ETV4: variants seen among roughly 807,000 people sequenced by gnomAD.
The protein encoded by ETV4 is ETS variant transcription factor 4.
A neutral mutation model predicts 65.9 loss-of-function variants in ETV4; 42 were observed. The ratio of observed to expected loss-of-function variants is 0.64; its 90% CI spans 0.50 to 0.82. The LOEUF (loss-of-function observed/expected upper bound fraction) is 0.82, where lower values mean the gene tolerates loss of function less well. Among genes scored for constraint, ETV4 ranks in the 40% least tolerant of loss-of-function variants. The probability of loss-of-function intolerance (pLI) is 0.00; values close to 1 mark genes in which losing one functional copy is unlikely to be tolerated. For synonymous variants in ETV4, 238 were observed against 260.0 expected (o/e 0.92, Z 0.81); for missense variants, 583 against 630.3 (o/e 0.92, Z 0.80).
chr17:43,530,307 GCCCA>G (rs1047067746), intron 8 of ETV4, 126 bp from the exon 9 acceptor site: 1 of 1,489,784 alleles, frequency 6.7e-7, no homozygotes, highest in African/African-American at 1.4e-5. Flanking sequence ...ACTGTTCTTT[GCCCA>G]GGTTGCCTGC....
chr17:43,533,086 C>T (rs1971035199), intron 7 of ETV4, 101 bp downstream of exon 7: 2 of 1,520,452 alleles, frequency 1.3e-6, no homozygotes, highest in Non-Finnish European at 1.8e-6. Flanking sequence ...ATTCCACTGC[C>T]CCCTGCCTCT....
Position 43,529,869 on chromosome 17 carries a change from A to C in ETV4, c.955+15T>G, listed in dbSNP as rs1276763169. The C allele has an allele frequency of 6.2e-7, 1 of 1,613,980 alleles. No homozygotes were observed. Among genetic ancestry groups the C allele is most frequent in the African/African-American group, 1.3e-5 (1 of 75,010 alleles). On this transcript the variant is annotated intron_variant, in intron 10 of 12. Transcript: ENST00000319349. ...ATAAGACCTTGACCCTCCCATCAAC[A>C]GTCACTTCTCTGACCTTCAAATTTC...
chr17:43,542,670 A>C (rs1387042209), intron 4 of ETV4, among the ~76,000 whole-genome samples: 4 of 151,844 alleles, frequency 2.6e-5, no homozygotes, highest in East Asian at 3.9e-4. Context: ...CCGCACTCAC[A>C]CTCACCCTTC....
Position 43,533,169 on chromosome 17 carries a change from G to T in ETV4, c.545+18C>A. 1 of 1,612,886 alleles carries T rather than the reference G, an allele frequency of 6.2e-7. No homozygotes were observed. The highest frequency in any genetic ancestry group is 8.5e-7 in the Non-Finnish European group (1 of 1,179,230). ...AAACACCTGGGCCCATGAGCAGTGG[G>T]TTTCCCTGTCTCCTTACCTATGTTC... On this transcript the variant is annotated intron_variant, in intron 7 of 12. Coordinates refer to ENST00000319349, the MANE Select transcript of ETV4 (RefSeq NM_001079675.5).
At position 43,533,934 on chromosome 17, in the gene ETV4, CGGGGA is replaced by C; in HGVS notation, c.303_307del (p.Ser101ArgfsTer29). The C allele has an allele frequency of 6.4e-7, 1 of 1,561,536 alleles. No individual in the cohort carries two copies. Among genetic ancestry groups the C allele is most frequent in the East Asian group, 2.4e-5 (1 of 41,708 alleles). ...GCTGCAGGACAGGGCCGGGTCTGTG[CGGGGA>C]CTCTGGGGCTCCTTCTTGATCCTGG... On this transcript the variant is annotated frameshift_variant, in exon 6 of 13. Coordinates refer to ENST00000319349, the MANE Select transcript of ETV4 (RefSeq NM_001079675.5). LOFTEE classifies it high-confidence loss of function.
At chr17:43,541,760 C>A (rs971542746) in intron 4 of ETV4, among the ~76,000 whole-genome samples, 1 of 152,134 alleles carries the variant, frequency 6.6e-6, no homozygotes, top group Non-Finnish European at 1.5e-5. Flanking sequence ...CCTGCCCCCA[C>A]CCTGGCAGCC....
At chr17:43,541,137 T>G (rs1033558232) in intron 4 of ETV4, among the ~76,000 whole-genome samples, 2 of 152,120 alleles carry the variant, frequency 1.3e-5, no homozygotes, top group Non-Finnish European at 2.9e-5. Context: ...TGCCATCCTC[T>G]TCCCAGAGCC....
At chr17:43,536,066 G>A (rs1235106264) in intron 5 of ETV4, among the ~76,000 whole-genome samples, 1 of 152,216 alleles carries the variant, frequency 6.6e-6, no homozygotes, top group East Asian at 1.9e-4. Context: ...AGCCGAGATT[G>A]TGCCACTGCA....
At chr17:43,545,880 TCG>T (rs1971797832) in intron 1 of ETV4, 1 of 580,872 alleles carries the variant, frequency 1.7e-6, no homozygotes. Flanking sequence ...GGAGCCGGGC[TCG>T]CCGTTTCTGC....
At position 43,530,420 on chromosome 17, in the gene ETV4, CG is replaced by C. The variant is rs1970852963; in HGVS notation, c.812-240del. The stretch of plus-strand genomic sequence containing the variant: ...CGGCTGAGGCCATGGAAGGCAGCAG[CG>C]GGGGCTGGGCAAGCTGTTCTGAAGG... On this transcript the variant is annotated intron_variant, in intron 8 of 12. Transcript: ENST00000319349. 3.6e-6 allele frequency: 5 copies of C among 1,404,038 alleles called. No homozygotes were observed. The East Asian group carries it at 1.1e-4, about 30-fold the overall frequency. The allele number at this position is 1,404,038 out of a possible 1,614,324, so 87.0% of individuals were successfully genotyped here.
At chr17:43,529,066 C>T (rs1970741194) in intron 12 of ETV4, 69 bp downstream of exon 12, 3 of 1,437,594 alleles carry the variant, frequency 2.1e-6, no homozygotes, top group Non-Finnish European at 2.9e-6. Flanking sequence ...GCCCTGCTGA[C>T]CCTCTCCCCA....
intron 4 of ETV4, among the ~76,000 whole-genome samples, chr17:43,540,320 G>A (rs917658951): frequency 1.3e-5 from 2 of 152,186 alleles, no homozygotes; most frequent in African/African-American, 4.8e-5. Context: ...AGGCATGGTG[G>A]TTCTCGCCTG....
Position 43,528,753 on chromosome 17 carries a change from G to T in ETV4, c.1231-10C>A. The T allele has an allele frequency of 6.2e-7, 1 of 1,612,282 alleles. No homozygotes were observed. The highest frequency in any genetic ancestry group is 1.1e-5 in the South Asian group (1 of 90,990). Reference sequence around the variant, plus strand: ...AACGCTCACCAGCCACCTATGGGGAGAGAGAAGGTCTGGTCAGCCTGGCTA... The same window carrying T: ...AACGCTCACCAGCCACCTATGGGGATAGAGAAGGTCTGGTCAGCCTGGCTA... On this transcript the variant is annotated splice_polypyrimidine_tract_variant and intron_variant, in intron 12 of 12. Transcript: ENST00000319349.
intron 4 of ETV4, among the ~76,000 whole-genome samples, chr17:43,541,536 G>A (rs566436837): frequency 1.3e-5 from 2 of 152,036 alleles, no homozygotes; most frequent in African/African-American, 4.8e-5. Context: ...AAAAAGGGGG[G>A]TTAGTAAAAA....
intron 9 of ETV4, 66 bp from the exon 10 acceptor site, chr17:43,530,018 A>G (rs1970819082): frequency 6.2e-7 from 1 of 1,607,638 alleles, no homozygotes; most frequent in Non-Finnish European, 8.5e-7. Flanking sequence ...GAGAGTCCAG[A>G]GGGACTCCTG....
intron 4 of ETV4, among the ~76,000 whole-genome samples, chr17:43,537,820 CTG>C (rs1971323237): frequency 6.6e-6 from 1 of 151,414 alleles, no homozygotes; most frequent in South Asian, 2.1e-4. Context: ...TGGTGAAATC[CTG>C]TCTCTACTAA....
At chr17:43,545,774 A>G in intron 1 of ETV4, 106 bp from the exon 2 acceptor site, 1 of 643,736 alleles carries the variant, frequency 1.6e-6, no homozygotes, top group Non-Finnish European at 2.7e-6. Context: ...AACTTCTCCG[A>G]CTCACTGGGG....
At chr17:43,537,353 G>C (rs1463296201) in intron 4 of ETV4, among the ~76,000 whole-genome samples, 1 of 149,674 alleles carries the variant, frequency 6.7e-6, no homozygotes, top group African/African-American at 2.5e-5. Flanking sequence ...CAACAAGAGT[G>C]AAACTCCATC....
chr17:43,536,330 G>A (rs1034640735), intron 5 of ETV4, 96 bp downstream of exon 5: 1 of 1,099,264 alleles, frequency 9.1e-7, no homozygotes, highest in Non-Finnish European at 1.4e-6. Context: ...TGTGTTTTAG[G>A]AGAGAACAAG....
Sources: allele counts gnomAD v4.1 joint callset (sites outside exome capture counted in the v4.1 genomes callset), GRCh38; gene constraint gnomAD v4.1.1; transcripts MANE v1.5; gene names NCBI Gene and HGNC (gene_info 2026-07-23, HGNC 2026-07-21).